The following ACSM2B variants were observed in gnomAD, a reference collection of about 807,000 sequenced individuals.
ACSM2B encodes acyl-CoA synthetase medium chain family member 2B, also known as acyl-coenzyme A synthetase ACSM2B, mitochondrial.
ACSM2B carries 58 observed loss-of-function variants against 78.6 expected under a neutral mutation model. That is an observed-to-expected ratio of 0.74 (90% CI 0.60 to 0.92). The LOEUF (loss-of-function observed/expected upper bound fraction) is 0.92, where lower values mean the gene tolerates loss of function less well. ACSM2B is among the 40% of genes least tolerant of loss of function. The pLI is 0.00. For missense variants in ACSM2B, 688 were observed against 711.2 expected (o/e 0.97, Z 0.37); for synonymous variants, 257 against 256.8 (o/e 1.00, Z -0.01).
chr16:20,564,160 C>T (rs1238477188), intron 2 of ACSM2B, among the ~76,000 whole-genome samples: 3 of 152,148 alleles, frequency 2.0e-5, no homozygotes, highest in Non-Finnish European at 2.9e-5. Context: ...GTGGTGTGAT[C>T]ACAGTTCACT....
chr16:20,551,792 C>A (rs753133143), intron 6 of ACSM2B, among the ~76,000 whole-genome samples: 1 of 152,102 alleles, frequency 6.6e-6, no homozygotes, highest in African/African-American at 2.4e-5. Flanking sequence ...CTCATGAGAG[C>A]GAGATGGCAT....
chr16:20,575,357 T>C (rs887450155), intron 1 of ACSM2B: 6 of 151,712 alleles, frequency 4.0e-5, no homozygotes, highest in Admixed American at 2.0e-4. Context: ...TATTAACATA[T>C]GTATGTGTGT....
chr16:20,565,231 A>C (rs10852243), intron 1 of ACSM2B, among the ~76,000 whole-genome samples: 3 of 151,974 alleles, frequency 2.0e-5, no homozygotes, highest in Non-Finnish European at 2.9e-5. Context: ...TTAAGTGACT[A>C]CCCAGTGCAT....
chr16:20,566,669 G>GTATATATAGTATA (rs1220682934), intron 1 of ACSM2B, among the ~76,000 whole-genome samples: 1 of 28,284 alleles, frequency 3.5e-5, no homozygotes, highest in Non-Finnish European at 4.8e-5. Context: ...TGTATATATA[G>GTATATATAGTATA]TATATACATA....
At chr16:20,551,010 A>G (rs1296255909) in intron 6 of ACSM2B, among the ~76,000 whole-genome samples, 1 of 152,228 alleles carries the variant, frequency 6.6e-6, no homozygotes, top group African/African-American at 2.4e-5. Context: ...GCAGCCAGCT[A>G]AAAGAACAAA....
intron 8 of ACSM2B, chr16:20,546,902 G>A (rs546309240): frequency 9.0e-4 from 159 of 175,758 alleles, no homozygotes; most frequent in Non-Finnish European, 1.5e-3. Context: ...TTTTGATACA[G>A]GCATGCAATA....
At chr16:20,540,194 C>G (rs2014945361) in intron 13 of ACSM2B, among the ~76,000 whole-genome samples, 1 of 148,918 alleles carries the variant, frequency 6.7e-6, no homozygotes, top group Non-Finnish European at 1.5e-5. Flanking sequence ...TCTGGGCTTT[C>G]TTGAGCATAG....
At position 20,548,552 on chromosome 16, in the gene ACSM2B, T is replaced by A. The variant is rs1370071736; in HGVS notation, c.895-79A>T. 1.2e-5 allele frequency: 19 copies of A among 1,608,080 alleles called. No homozygotes were observed. In the Middle Eastern group the frequency reaches 1.7e-3, roughly 141 times the overall value. ...TGGCTATGCACAGTGGTTACAATTG[T>A]GAGCTATGGAGTTGTAGAGGTCTGG... On this transcript the variant is annotated intron_variant, in intron 6 of 13. Transcript: ENST00000329697.
At chr16:20,553,971 T>C (rs1364164963) in intron 4 of ACSM2B, 51 bp from the exon 5 acceptor site, 24 of 1,609,514 alleles carry the variant, frequency 1.5e-5, no homozygotes, top group Non-Finnish European at 2.0e-5. Flanking sequence ...GGACACCAGA[T>C]ATCAAAGTGA....
At chr16:20,563,861 CAGAA>C (rs1299127996) in intron 2 of ACSM2B, among the ~76,000 whole-genome samples, 1 of 151,990 alleles carries the variant, frequency 6.6e-6, no homozygotes. Flanking sequence ...TTCCATCCTA[CAGAA>C]AGAGTCATAG....
Position 20,559,442 on chromosome 16 carries a change from G to A in ACSM2B, c.183C>T (p.Gly61=). 1 of 1,612,684 alleles carries A rather than the reference G, an allele frequency of 6.2e-7. No individual in the cohort carries two copies. The highest frequency in any genetic ancestry group is 8.5e-7 in the Non-Finnish European group (1 of 1,179,316). The part of the protein sequence containing the change: ...LDHWADMEKA[G]KRLPSPALWW... ...ACAGGGCTGGGCTTGGGAGTCGCTTGCCAGCCTGAGGAAAGAGAAACCCTG... is the reference window on the plus strand; with the variant it reads ...ACAGGGCTGGGCTTGGGAGTCGCTTACCAGCCTGAGGAAAGAGAAACCCTG... The change falls in exon 3 of 14, where the codon GGC becomes GGT. Residue 61 remains glycine, a synonymous_variant. Coordinates refer to ENST00000329697, the MANE Select transcript of ACSM2B (RefSeq NM_001105069.2).
intron 13 of ACSM2B, among the ~76,000 whole-genome samples, chr16:20,540,244 T>G (rs2014949857): frequency 7.2e-6 from 1 of 139,084 alleles, no homozygotes; most frequent in South Asian, 2.3e-4. Flanking sequence ...TTTGTTTGTT[T>G]GTTTGGTTTT....
Position 20,559,302 on chromosome 16 carries a change from C to T in ACSM2B, c.323G>A (p.Arg108His), listed in dbSNP as rs143779927. The change falls in exon 3 of 14, where the codon CGT (arginine) becomes CAT (histidine). Residue 108 changes from arginine to histidine, a missense_variant. Physicochemically the swap from Arg to His is conservative, Grantham distance 29 (BLOSUM62 0). Coordinates refer to ENST00000329697, the MANE Select transcript of ACSM2B (RefSeq NM_001105069.2). ...SGACGLQRGD[R>H]VAVMLPRVPE... ...CACTCGGGGCAGCATCACTGCCACA[C>T]GATCCCCACGCTGCAGGCCACAGGC... 38 of 1,613,408 alleles carry T rather than the reference C, an allele frequency of 2.4e-5. No homozygotes were observed. The highest frequency in any genetic ancestry group is 8.0e-5 in the African/African-American group (6 of 74,772).
intron 1 of ACSM2B, chr16:20,574,550 T>G (rs984851176): frequency 2.8e-4 from 42 of 151,896 alleles, no homozygotes; most frequent in African/African-American, 9.7e-4. Context: ...ATAAAAGTAT[T>G]AATTTTGGGA....
chr16:20,549,660 T>A, intron 6 of ACSM2B: 2 of 366,502 alleles, frequency 5.5e-6, no homozygotes, highest in Middle Eastern at 1.0e-3. Flanking sequence ...ACCATGGCCA[T>A]GACAGAGCCC....
chr16:20,543,942 A>T (rs1461470456), intron 10 of ACSM2B, among the ~76,000 whole-genome samples: 1 of 152,202 alleles, frequency 6.6e-6, no homozygotes, highest in Non-Finnish European at 1.5e-5. Flanking sequence ...AGACATCAAG[A>T]GTTTAGTCTG....
intron 13 of ACSM2B, among the ~76,000 whole-genome samples, chr16:20,539,550 C>A (rs1239079216): frequency 6.6e-6 from 1 of 151,144 alleles, no homozygotes; most frequent in African/African-American, 2.4e-5. Context: ...AAGAACACTT[C>A]CCTTTTCCTG....
intron 13 of ACSM2B, among the ~76,000 whole-genome samples, chr16:20,539,879 T>C (rs2014938235): frequency 6.6e-6 from 1 of 151,728 alleles, no homozygotes; most frequent in Non-Finnish European, 1.5e-5. Flanking sequence ...GGAAAGAGAG[T>C]CAAAGGGTGA....
chr16:20,555,554 C>T (rs2015448646), intron 3 of ACSM2B, 78 bp from the exon 4 acceptor site: 3 of 1,592,328 alleles, frequency 1.9e-6, no homozygotes, highest in Non-Finnish European at 2.6e-6. Context: ...AAACATCAAG[C>T]AGGGAGCAAG....
Sources: allele counts gnomAD v4.1 joint callset (sites outside exome capture counted in the v4.1 genomes callset), GRCh38; gene constraint gnomAD v4.1.1; transcripts MANE v1.5; gene names NCBI Gene and HGNC (gene_info 2026-07-23, HGNC 2026-07-21).